The following NRXN1 variants were observed in gnomAD, a reference collection of about 807,000 sequenced individuals.
NRXN1 encodes neurexin 1.
NRXN1 carries 39 observed loss-of-function variants against 150.9 expected under a neutral mutation model. The ratio of observed to expected loss-of-function variants is 0.26; its 90% confidence interval spans 0.20 to 0.34. The LOEUF (loss-of-function observed/expected upper bound fraction) is 0.34, where lower values mean the gene tolerates loss of function less well. NRXN1 is among the 10% of genes least tolerant of loss of function. The pLI, the probability that NRXN1 is intolerant of heterozygous loss-of-function variation, is 1.00. For missense variants in NRXN1, 1,815 were observed against 1,949.9 expected, an observed-to-expected ratio of 0.93 and a Z score of 1.30; for synonymous variants, 924 against 757.0, an observed-to-expected ratio of 1.22 and a Z score of -3.62.
At chr2:51,027,432 C>G in intron 2 of NRXN1, 70 bp downstream of exon 2, 1 of 1,434,728 alleles carries the variant, frequency 7.0e-7, no homozygotes, top group Non-Finnish European at 9.1e-7. Flanking sequence ...ACCCCATGCA[C>G]CAGCCCGGTC....
chr2:50,346,861 C>T lies in NRXN1; in HGVS notation c.3365-109891G>A, dbSNP rs758537751. 4.3e-6 allele frequency: 6 copies of T among 1,400,244 alleles called. No homozygotes were observed. Among genetic ancestry groups the T allele is most frequent in the Middle Eastern group, 2.2e-4 (1 of 4,486 alleles). The allele number at this position is 1,400,244 out of a possible 1,614,324, so 86.7% of individuals were successfully genotyped here. On this transcript the variant is annotated intron_variant, in intron 17 of 22. Transcript: ENST00000401669. This position sits in a 1 kb window ranked among gnomAD's most constrained non-coding sequence, Gnocchi z 5.0. The stretch of plus-strand genomic sequence containing the variant: ...CGGGACTATCCAAAGCAGGGCCAGG[C>T]GCCCCCCTGCGCCGCCGCCGCCGCC...
chr2:50,756,565 T>C (rs1701176959), intron 5 of NRXN1, among the ~76,000 whole-genome samples: 1 of 151,872 alleles, frequency 6.6e-6, no homozygotes, highest in South Asian at 2.1e-4. Context: ...AAGCAGCGAC[T>C]GCATTTTTTT....
chr2:50,309,302 C>T (rs1228567443), intron 17 of NRXN1, among the ~76,000 whole-genome samples: 2 of 152,248 alleles, frequency 1.3e-5, no homozygotes, highest in East Asian at 3.9e-4. Context: ...AGAGTTTTTA[C>T]TAGGACACAG....
At chr2:50,796,912 T>C (rs1347697430) in intron 5 of NRXN1, among the ~76,000 whole-genome samples, 1 of 152,114 alleles carries the variant, frequency 6.6e-6, no homozygotes, top group Non-Finnish European at 1.5e-5. Flanking sequence ...CCAGCAAAGT[T>C]TGGGGTCTGG....
intron 2 of NRXN1, among the ~76,000 whole-genome samples, chr2:50,948,750 T>G (rs955823686): frequency 2.6e-5 from 4 of 152,032 alleles, no homozygotes; most frequent in African/African-American, 7.2e-5. Flanking sequence ...TTGAGCCCAG[T>G]TACTTTTTAT....
intron 5 of NRXN1, among the ~76,000 whole-genome samples, chr2:50,665,069 C>T (rs1287032809): frequency 6.6e-6 from 1 of 151,880 alleles, no homozygotes; most frequent in African/African-American, 2.4e-5. Context: ...TTTGCTAGAT[C>T]CCAGTATACT....
At chr2:50,780,325 T>C (rs551083714) in intron 5 of NRXN1, among the ~76,000 whole-genome samples, 11 of 152,300 alleles carry the variant, frequency 7.2e-5, no homozygotes, top group Non-Finnish European at 1.5e-4. Context: ...TTTCACTTAC[T>C]AGTATGTTTG....
intron 17 of NRXN1, among the ~76,000 whole-genome samples, chr2:50,256,630 A>G (rs2067724165): frequency 6.6e-6 from 1 of 152,090 alleles, no homozygotes; most frequent in African/African-American, 2.4e-5. Flanking sequence ...GTTTACCCCT[A>G]TCCACTTTAC....
At chr2:50,485,730 T>C (rs567754307) in intron 15 of NRXN1, among the ~76,000 whole-genome samples, 11 of 151,954 alleles carry the variant, frequency 7.2e-5, no homozygotes, top group African/African-American at 2.7e-4. Context: ...AGCAGAAGCA[T>C]CCCCCTACAC....
intron 19 of NRXN1, among the ~76,000 whole-genome samples, chr2:50,080,077 A>T (rs2152682865): frequency 6.6e-6 from 1 of 152,224 alleles, no homozygotes; most frequent in Middle Eastern, 3.4e-3. Flanking sequence ...CTCATGACAC[A>T]TGAATCATCC....
At chr2:50,510,518 A>G in intron 12 of NRXN1, among the ~76,000 whole-genome samples, 1 of 149,120 alleles carries the variant, frequency 6.7e-6, no homozygotes, top group African/African-American at 2.5e-5. Flanking sequence ...AAAAAACCAC[A>G]AAAGAAAAGA....
At chr2:51,009,546 C>T (rs1418964181) in intron 2 of NRXN1, among the ~76,000 whole-genome samples, 1 of 151,732 alleles carries the variant, frequency 6.6e-6, no homozygotes, top group South Asian at 2.1e-4. Context: ...ATTATGCCTG[C>T]ACAAATTTAG....
At chr2:49,971,358 C>T (rs1479923300) in intron 21 of NRXN1, among the ~76,000 whole-genome samples, 1 of 152,144 alleles carries the variant, frequency 6.6e-6, no homozygotes, top group Non-Finnish European at 1.5e-5. Context: ...TGCGATGCTA[C>T]ATCACTAATT....
At chr2:50,513,867 T>C (rs770793923) in intron 12 of NRXN1, among the ~76,000 whole-genome samples, 2 of 152,120 alleles carry the variant, frequency 1.3e-5, no homozygotes, top group Admixed American at 6.6e-5. Flanking sequence ...AACTCTTAGA[T>C]GTATGTGCCC....
intron 5 of NRXN1, among the ~76,000 whole-genome samples, chr2:50,733,155 A>C (rs1179409790): frequency 6.6e-6 from 1 of 152,182 alleles, no homozygotes; most frequent in Non-Finnish European, 1.5e-5. Flanking sequence ...TAAATGACAC[A>C]ACAGGGAAAC....
At chr2:50,335,983 C>T (rs1313537643) in intron 17 of NRXN1, among the ~76,000 whole-genome samples, 1 of 151,720 alleles carries the variant, frequency 6.6e-6, no homozygotes, top group Non-Finnish European at 1.5e-5. Flanking sequence ...AGTTCCTGTG[C>T]CAGATGTTTA....
intron 18 of NRXN1, among the ~76,000 whole-genome samples, chr2:50,196,201 T>G: frequency 6.6e-6 from 1 of 152,216 alleles, no homozygotes; most frequent in East Asian, 1.9e-4. Context: ...CAGCTCCCAC[T>G]TATAAGTGCA....
intron 18 of NRXN1, among the ~76,000 whole-genome samples, chr2:50,109,771 A>G (rs1344598721): frequency 6.6e-6 from 1 of 152,114 alleles, no homozygotes; most frequent in East Asian, 1.9e-4. Context: ...CCAGGGTACT[A>G]TATTTAGATA....
In NRXN1 at chr2:50,622,885, G is replaced by A. The variant is rs536324274; in HGVS notation, c.1134+429C>T. 2.0e-5 allele frequency among the ~76,000 whole-genome samples: 3 copies of A among 152,228 alleles called. No individual in the cohort carries two copies. The South Asian group carries it at 6.2e-4, about 32-fold the overall frequency. ...GGGGTTGGGAGGAGGAGGGAGTAGG[G>A]ACTGATACAATCCCAAATCACAAAC... On this transcript the variant is annotated intron_variant, in intron 6 of 22. Transcript: ENST00000401669.
Sources: allele counts gnomAD v4.1 joint callset (sites outside exome capture counted in the v4.1 genomes callset), GRCh38; gene constraint gnomAD v4.1.1; non-coding constraint Gnocchi (gnomAD v3.1); transcripts MANE v1.5; gene names NCBI Gene and HGNC (gene_info 2026-07-23, HGNC 2026-07-21).